The following SOX5 variants were observed in gnomAD, a reference collection of about 807,000 sequenced individuals.
The protein encoded by SOX5 is transcription factor SOX-5.
A neutral mutation model predicts 92.0 loss-of-function variants in SOX5; 9 were observed. The ratio of observed to expected loss-of-function variants is 0.10; its 90% CI spans 0.06 to 0.17. SOX5 has a LOEUF of 0.17. Among genes scored for constraint, SOX5 ranks in the 10% least tolerant of loss-of-function variants. The pLI is 1.00. For synonymous variants in SOX5, 344 were observed against 336.3 expected (o/e 1.02, Z -0.25); for missense variants, 642 against 944.5 (o/e 0.68, Z 4.20).
chr12:23,994,851 G>A (rs555331292), intron 4 of SOX5, among the ~76,000 whole-genome samples: 13 of 152,254 alleles, frequency 8.5e-5, no homozygotes, highest in African/African-American at 2.4e-4. Flanking sequence ...TTGGTCTAAC[G>A]TGAGAAATCA....
chr12:23,930,223 T>C (rs958936131), intron 1 of SOX5, among the ~76,000 whole-genome samples: 5 of 151,858 alleles, frequency 3.3e-5, no homozygotes, highest in African/African-American at 4.8e-5. Context: ...TCCAAGAACA[T>C]TGGTAGAATG....
intron 1 of SOX5, among the ~76,000 whole-genome samples, chr12:23,923,162 G>T (rs1245325718): frequency 6.6e-6 from 1 of 152,046 alleles, no homozygotes; most frequent in African/African-American, 2.4e-5. Context: ...AGCCAGGATG[G>T]TCTCAATCTC....
intron 3 of SOX5, among the ~76,000 whole-genome samples, chr12:23,843,859 C>A (rs2096546265): frequency 6.6e-6 from 1 of 152,118 alleles, no homozygotes; most frequent in Non-Finnish European, 1.5e-5. Context: ...CCACCGTGCC[C>A]AGCCTTGGCA....
intron 2 of SOX5, among the ~76,000 whole-genome samples, chr12:24,305,398 G>A (rs952599604): frequency 2.0e-5 from 3 of 152,142 alleles, no homozygotes; most frequent in Non-Finnish European, 4.4e-5. Context: ...AGAGATGGGG[G>A]TTCATGAATC....
intron 4 of SOX5, among the ~76,000 whole-genome samples, chr12:23,979,200 T>C (rs1277314039): frequency 2.0e-5 from 3 of 152,118 alleles, no homozygotes; most frequent in African/African-American, 7.2e-5. Context: ...GACTTTAAAA[T>C]GGTAATTAAT....
At chr12:24,048,994 A>T (rs1405178590) in intron 4 of SOX5, among the ~76,000 whole-genome samples, 1 of 152,206 alleles carries the variant, frequency 6.6e-6, no homozygotes, top group Non-Finnish European at 1.5e-5. Context: ...TGAATTCTTC[A>T]GTTTATATTT....
chr12:24,346,894 G>A (rs550243056), intron 2 of SOX5, among the ~76,000 whole-genome samples: 109 of 152,176 alleles, frequency 7.2e-4, no homozygotes, highest in African/African-American at 2.5e-3. Context: ...GGGGGGATGG[G>A]GGAGGGACAG....
chr12:24,495,285 G>A (rs1384513474), intron 1 of SOX5, among the ~76,000 whole-genome samples: 2 of 152,164 alleles, frequency 1.3e-5, no homozygotes, highest in African/African-American at 4.8e-5. Flanking sequence ...TATGGATCCA[G>A]TGTGTTAGAA....
chr12:24,342,841 A>T (rs551177850), intron 2 of SOX5, among the ~76,000 whole-genome samples: 16 of 152,366 alleles, frequency 1.1e-4, no homozygotes, highest in African/African-American at 3.8e-4. Flanking sequence ...TTTAGAATAA[A>T]GGGCGAAATG....
upstream of SOX5, among the ~76,000 whole-genome samples, chr12:23,953,307 G>T (rs1360417405): frequency 6.6e-6 from 1 of 151,944 alleles, no homozygotes; most frequent in Non-Finnish European, 1.5e-5. Flanking sequence ...TTTAAATTTT[G>T]CATTAAACGT....
intron 4 of SOX5, among the ~76,000 whole-genome samples, chr12:24,001,594 G>T (rs974481361): frequency 6.6e-6 from 1 of 152,078 alleles, no homozygotes; most frequent in African/African-American, 2.4e-5. Flanking sequence ...ACTTTGAGAG[G>T]CAAAAGCAAG....
intron 1 of SOX5, among the ~76,000 whole-genome samples, chr12:24,423,461 A>G (rs1263948139): frequency 2.0e-5 from 3 of 152,272 alleles, no homozygotes; most frequent in Non-Finnish European, 4.4e-5. Flanking sequence ...TGAGATTTCA[A>G]TGAGGCTCAA....
rs138227569 is a variant in SOX5 at position 23,805,886 on chromosome 12, G to A, written c.481+40097C>T. On this transcript the variant is annotated intron_variant, in intron 3 of 14. Transcript: ENST00000451604. The stretch of plus-strand genomic sequence containing the variant: ...TTGCTGTATGTGTAAATTTTGGTAT[G>A]TGCCCAATTAGACAAAGTATGCTGT... Among the ~76,000 whole-genome samples the A allele has an allele frequency of 5.3e-5, 8 of 152,240 alleles. No homozygotes were observed. In the South Asian group the frequency reaches 8.3e-4, roughly 16 times the overall value.
rs954148994 is a variant in SOX5, at chr12:24,325,432, A to C, written c.-174+43131T>G. Among the ~76,000 whole-genome samples, 7 of 152,162 alleles carry C rather than the reference A, an allele frequency of 4.6e-5. No homozygotes were observed. The East Asian group carries it at 1.3e-3, about 29-fold the overall frequency. ...AGACATCTCAGATAGTTGCATAAAGAAAATAGAGAGGGAAGAACCGTTGAG... is the reference window on the plus strand; with the variant it reads ...AGACATCTCAGATAGTTGCATAAAGCAAATAGAGAGGGAAGAACCGTTGAG... On this transcript the variant is annotated intron_variant, in intron 2 of 4. Transcript: ENST00000446891.
intron 2 of SOX5, chr12:24,368,025 A>G (rs1407732137): frequency 6.6e-6 from 1 of 152,206 alleles, no homozygotes; most frequent in Non-Finnish European, 1.5e-5. Flanking sequence ...TTATGACTCA[A>G]ATAAAATACA....
At chr12:24,374,516 TAC>T (rs148748308) in intron 1 of SOX5, among the ~76,000 whole-genome samples, 20,546 of 146,112 alleles carry the variant, frequency 0.14, 1,544 homozygotes, top group African/African-American at 0.2. Flanking sequence ...CACACACACA[TAC>T]ACACACACAC....
rs61575999 is a variant in SOX5, at chr12:23,759,030, G to GACACACAC, written c.482-3314_482-3307dup. On this transcript the variant is annotated intron_variant, in intron 3 of 14. Coordinates refer to ENST00000451604, the MANE Select transcript of SOX5 (RefSeq NM_006940.6). Reference sequence around the variant, plus strand: ...CACAAAACACACACACACACACACAGACACACACACACACACACACACACA... The same window carrying GACACACAC: ...CACAAAACACACACACACACACACAGACACACACACACACACACACACACACACACACA... Among the ~76,000 whole-genome samples the GACACACAC allele has an allele frequency of 9.4e-3, 1,373 of 146,314 alleles. 7 individuals carry two copies. Among genetic ancestry groups the GACACACAC allele is most frequent in the Non-Finnish European group, 0.012 (815 of 66,674 alleles).
chr12:23,833,657 G>C (rs918547956), intron 3 of SOX5, among the ~76,000 whole-genome samples: 4 of 151,784 alleles, frequency 2.6e-5, no homozygotes, highest in African/African-American at 9.7e-5. Flanking sequence ...TATATCTTGG[G>C]TATTAAAATA....
At position 24,424,772 on chromosome 12, in the gene SOX5, T is replaced by A. The variant is rs903332468; in HGVS notation, c.-250-56133A>T. ...ATACATTCTGTTAAATTTCAAATTG[T>A]ATGATCTGGGCTCTTTTCTTTGTGA... On this transcript the variant is annotated intron_variant, in intron 1 of 4. Coordinates refer to the SOX5 transcript ENST00000446891. Among the ~76,000 whole-genome samples, 7 of 150,940 alleles carry A rather than the reference T, an allele frequency of 4.6e-5. No homozygotes were observed. In the East Asian group the frequency reaches 1.4e-3, roughly 30 times the overall value.
Sources: allele counts gnomAD v4.1 joint callset (sites outside exome capture counted in the v4.1 genomes callset), GRCh38; gene constraint gnomAD v4.1.1; transcripts MANE v1.5; gene names NCBI Gene and HGNC (gene_info 2026-07-23, HGNC 2026-07-21).